Variants in CEP97 observed in about 807,000 individuals in gnomAD.
CEP97 encodes centrosomal protein of 97 kDa.
Under a neutral mutation model 73.1 loss-of-function variants are expected in CEP97, and 43 were observed. That is an observed-to-expected ratio of 0.59 (90% CI 0.46 to 0.76). The LOEUF (loss-of-function observed/expected upper bound fraction) is 0.76. CEP97 is among the 30% of genes least tolerant of loss of function. CEP97 has a pLI of 0.00. For missense variants in CEP97, 939 were observed against 1,014.0 expected (o/e 0.93, Z 1.00); for synonymous variants, 337 against 370.0 (o/e 0.91, Z 1.02).
intron 10 of CEP97, among the ~76,000 whole-genome samples, chr3:101,763,665 T>G (rs1939229670): frequency 6.6e-6 from 1 of 152,212 alleles, no homozygotes; most frequent in Non-Finnish European, 1.5e-5. Flanking sequence ...ATTTTGGAAT[T>G]TTTGTTATAC....
chr3:101,726,031 G>A (rs544871999), intron 1 of CEP97, among the ~76,000 whole-genome samples: 46 of 152,262 alleles, frequency 3.0e-4, no homozygotes, highest in African/African-American at 1.1e-3. Context: ...GGGTTTGAAC[G>A]TCTATGTTAT....
intron 6 of CEP97, among the ~76,000 whole-genome samples, chr3:101,738,944 A>C (rs181925803): frequency 1.4e-4 from 21 of 152,354 alleles, no homozygotes; most frequent in African/African-American, 5.0e-4. Context: ...CAGACTAATA[A>C]GAAAAGAGAG....
In CEP97 at chr3:101,765,510, G is replaced by C. The variant is rs751020382; in HGVS notation, c.2557G>C (p.Asp853His). The part of the protein sequence containing the change: ...AEVQGQQPEC[D>H]STFQLLHVGV... ...AGTTCAGGGGCAGCAGCCAGAATGTGATTCTACATTTCAGCTATTGCATGT... is the reference window on the plus strand; with the variant it reads ...AGTTCAGGGGCAGCAGCCAGAATGTCATTCTACATTTCAGCTATTGCATGT... The change falls in exon 11 of 11, where the codon GAT becomes CAT. Residue 853 changes from aspartate to histidine, a missense_variant. Physicochemically the swap from Asp to His is moderately conservative, Grantham distance 81. Transcript: ENST00000341893. 1 of 1,613,626 alleles carries C rather than the reference G, an allele frequency of 6.2e-7. No individual in the cohort carries two copies.
rs768650552 is a variant in CEP97, at chr3:101,762,530, A to G, written c.1863A>G (p.Gln621=). Residue 621 remains glutamine, a synonymous_variant, in exon 10 of 11, where the codon CAA becomes CAG. Coordinates refer to ENST00000341893, the MANE Select transcript of CEP97 (RefSeq NM_024548.4). ...RDEERIKKFV[Q]EEAFRFLWNQ... ...AAGAACGTATTAAAAAATTTGTACA[A>G]GAAGAAGCTTTCAGATTCCTTTGGA... is the stretch of plus-strand genomic sequence containing the variant. 4 of 1,611,532 alleles carry G rather than the reference A, an allele frequency of 2.5e-6. No homozygotes were observed. Among genetic ancestry groups the G allele is most frequent in the African/African-American group, 2.7e-5 (2 of 74,806 alleles).
At chr3:101,735,373 T>G (rs1397978476) in intron 6 of CEP97, among the ~76,000 whole-genome samples, 1 of 152,202 alleles carries the variant, frequency 6.6e-6, no homozygotes, top group Non-Finnish European at 1.5e-5. Context: ...GGGGTTGTCC[T>G]GCACTAAAGA....
At chr3:101,750,720 C>T (rs1390277753) in intron 6 of CEP97, among the ~76,000 whole-genome samples, 1 of 152,160 alleles carries the variant, frequency 6.6e-6, no homozygotes, top group African/African-American at 2.4e-5. Flanking sequence ...GTAGTATTCT[C>T]TGATGGTAGT....
At chr3:101,733,386 A>G (rs1321187063) in intron 6 of CEP97, among the ~76,000 whole-genome samples, 1 of 152,142 alleles carries the variant, frequency 6.6e-6, no homozygotes, top group African/African-American at 2.4e-5. Flanking sequence ...CCAGCTCCAA[A>G]TGCCATGTAA....
chr3:101,735,393 G>T (rs371879389), intron 6 of CEP97, among the ~76,000 whole-genome samples: 1 of 152,316 alleles, frequency 6.6e-6, no homozygotes, highest in African/African-American at 2.4e-5. Context: ...AAGTGTGTGG[G>T]GGGGTGGCTG....
intron 6 of CEP97, among the ~76,000 whole-genome samples, chr3:101,749,875 A>C (rs1380009116): frequency 3.5e-5 from 5 of 142,286 alleles, no homozygotes; most frequent in African/African-American, 1.3e-4. Context: ...GTTTGAGTTC[A>C]TTGTAGATTC....
intron 10 of CEP97, 60 bp from the exon 11 acceptor site, chr3:101,764,787 A>C (rs1939264783): frequency 6.8e-7 from 1 of 1,464,226 alleles, no homozygotes; most frequent in Non-Finnish European, 9.2e-7. Context: ...TGTCTCAAAA[A>C]CAAACAAACA....
At chr3:101,751,796 C>T (rs1485112686) in intron 6 of CEP97, among the ~76,000 whole-genome samples, 2 of 151,960 alleles carry the variant, frequency 1.3e-5, no homozygotes, top group African/African-American at 4.8e-5. Context: ...TATTTTGAGC[C>T]TATGTGTGTC....
In CEP97 at chr3:101,758,393, A is replaced by G. The variant is rs1230663274; in HGVS notation, c.1787A>G (p.His596Arg). 10 of 1,614,174 alleles carry G rather than the reference A, an allele frequency of 6.2e-6. No homozygotes were observed. Among genetic ancestry groups the G allele is most frequent in the Non-Finnish European group, 8.5e-6 (10 of 1,180,034 alleles). The change falls in exon 9 of 11, where the codon CAC becomes CGC. Residue 596 changes from histidine to arginine, a missense_variant. By Grantham distance (29) the His-to-Arg change is conservative (BLOSUM62 0). Coordinates refer to ENST00000341893, the MANE Select transcript of CEP97 (RefSeq NM_024548.4). Reference protein sequence around the residue: ...YEIRLRRMQEHIVCLTDEIRR... With the variant: ...YEIRLRRMQERIVCLTDEIRR... ...ATCCGGCTACGCAGAATGCAAGAGC[A>G]CATTGTCTGCTTAACTGATGAAATA...
intron 6 of CEP97, among the ~76,000 whole-genome samples, chr3:101,747,155 T>G (rs1180022301): frequency 6.6e-6 from 1 of 151,668 alleles, no homozygotes; most frequent in South Asian, 2.1e-4. Flanking sequence ...GAAATAACAT[T>G]TGACCCAGCC....
At chr3:101,734,286 G>A (rs1938208465) in intron 6 of CEP97, among the ~76,000 whole-genome samples, 1 of 152,238 alleles carries the variant, frequency 6.6e-6, no homozygotes, top group African/African-American at 2.4e-5. Flanking sequence ...GGGAGGTAAG[G>A]AACTAGGATA....
chr3:101,757,330 A>C, intron 8 of CEP97, 134 bp downstream of exon 8: 1 of 946,252 alleles, frequency 1.1e-6, no homozygotes, highest in Non-Finnish European at 1.6e-6. Flanking sequence ...TAGATCTTAT[A>C]CATATCTATG....
chr3:101,764,328 A>C (rs2107195630), intron 10 of CEP97, among the ~76,000 whole-genome samples: 1 of 152,184 alleles, frequency 6.6e-6, no homozygotes, highest in African/African-American at 2.4e-5. Flanking sequence ...AATTAGCCAG[A>C]TGGACGGACA....
intron 6 of CEP97, among the ~76,000 whole-genome samples, chr3:101,745,330 A>C (rs1201525457): frequency 1.3e-5 from 2 of 152,200 alleles, no homozygotes; most frequent in East Asian, 3.8e-4. Context: ...ACAGGATCAC[A>C]GCTTACTGCA....
intron 6 of CEP97, among the ~76,000 whole-genome samples, chr3:101,746,079 A>G (rs1050458864): frequency 1.2e-4 from 18 of 152,330 alleles, no homozygotes; most frequent in Admixed American, 4.6e-4. Flanking sequence ...TACAAAGGAC[A>G]TGAACTCATT....
At position 101,744,177 on chromosome 3, in the gene CEP97, T is replaced by C. The variant is rs975860322; in HGVS notation, c.729-11253T>C. Among the ~76,000 whole-genome samples the C allele has an allele frequency of 5.3e-5, 8 of 152,144 alleles. No individual in the cohort carries two copies. In the South Asian group the frequency reaches 1.7e-3, roughly 31 times the overall value. ...CAGCAATTTTACTTCACATGTATAC[T>C]GTATAGAAATAGCTACTTAGGTCTC... On this transcript the variant is annotated intron_variant, in intron 6 of 10. Coordinates refer to ENST00000341893, the MANE Select transcript of CEP97 (RefSeq NM_024548.4).
Sources: gnomAD v4.1 joint callset for allele counts (sites outside exome capture counted in the v4.1 genomes callset) on GRCh38, gnomAD v4.1.1 for gene constraint, MANE v1.5 for transcripts, NCBI Gene and HGNC (gene_info 2026-07-23, HGNC 2026-07-21) for gene names.